CDH2: variants seen among roughly 807,000 people sequenced by gnomAD.
The protein encoded by CDH2 is cadherin 2.
In CDH2, 17 loss-of-function variants were observed where a neutral mutation model predicts 92.0. That is an observed-to-expected ratio of 0.18 (90% CI 0.13 to 0.28). The LOEUF (loss-of-function observed/expected upper bound fraction) is 0.28. Ranked by LOEUF, CDH2 falls within the 10% of genes least tolerant of loss-of-function variation. CDH2 has a pLI of 1.00. For missense variants in CDH2, 862 were observed against 1,133.1 expected (o/e 0.76, Z 3.44); for synonymous variants, 419 against 415.9 (o/e 1.01, Z -0.09).
intron 7 of CDH2, among the ~76,000 whole-genome samples, chr18:28,000,557 G>A (rs993521543): frequency 2.6e-5 from 4 of 152,052 alleles, no homozygotes; most frequent in Non-Finnish European, 5.9e-5. Context: ...TTCAAACCTG[G>A]GGGGAGCAGG....
chr18:28,034,917 T>A (rs2013788719), intron 2 of CDH2, among the ~76,000 whole-genome samples: 1 of 152,040 alleles, frequency 6.6e-6, no homozygotes, highest in Non-Finnish European at 1.5e-5. Flanking sequence ...ATGGGAAAAC[T>A]CTTTAGAGCA....
At chr18:28,172,278 C>A (rs1404055619) in intron 1 of CDH2, among the ~76,000 whole-genome samples, 1 of 152,088 alleles carries the variant, frequency 6.6e-6, no homozygotes, top group Admixed American at 6.5e-5. Context: ...AAATCTACAT[C>A]TTTCAAAAAG....
chr18:28,071,408 G>A (rs2014615484), intron 2 of CDH2, among the ~76,000 whole-genome samples: 2 of 152,010 alleles, frequency 1.3e-5, no homozygotes, highest in South Asian at 2.1e-4. Flanking sequence ...GCAGGAAAAG[G>A]GTAAGTGAAT....
At chr18:27,983,464 T>C (rs1315708778) in intron 13 of CDH2, among the ~76,000 whole-genome samples, 1 of 152,302 alleles carries the variant, frequency 6.6e-6, no homozygotes, top group East Asian at 1.9e-4. Context: ...AGCAGTAAGG[T>C]GTTACTTGCT....
At chr18:28,056,716 C>A (rs2014299994) in intron 2 of CDH2, among the ~76,000 whole-genome samples, 1 of 152,100 alleles carries the variant, frequency 6.6e-6, no homozygotes. Flanking sequence ...TAAATTAAGA[C>A]TTTTTGCCTT....
intron 6 of CDH2, among the ~76,000 whole-genome samples, chr18:27,944,839 A>G (rs1017248619): frequency 8.6e-5 from 13 of 151,782 alleles, no homozygotes; most frequent in Non-Finnish European, 2.9e-5. Context: ...CTTGAGCCCA[A>G]GAAGTTTGAG....
At chr18:28,046,626 GTCT>G (rs1285075146) in intron 2 of CDH2, among the ~76,000 whole-genome samples, 1 of 152,144 alleles carries the variant, frequency 6.6e-6, no homozygotes, top group Non-Finnish European at 1.5e-5. Context: ...TGTGTAACAA[GTCT>G]TCTATGAAAT....
At chr18:27,957,079 A>AT (rs1018404858) in intron 15 of CDH2, among the ~76,000 whole-genome samples, 3 of 151,678 alleles carry the variant, frequency 2.0e-5, no homozygotes, top group South Asian at 2.1e-4. Context: ...TTGTTTATTC[A>AT]TTTTTTTTAG....
chr18:28,002,584 A>T (rs2012800413), intron 7 of CDH2, among the ~76,000 whole-genome samples: 1 of 152,208 alleles, frequency 6.6e-6, no homozygotes, highest in African/African-American at 2.4e-5. Flanking sequence ...GCTACAAAAA[A>T]CCAAATCACA....
chr18:28,003,092 C>A lies in CDH2; in HGVS notation c.925G>T (p.Val309Leu), dbSNP rs146668864. 6 of 1,613,904 alleles carry A rather than the reference C, an allele frequency of 3.7e-6. 1 individual carries two copies. The South Asian group carries it at 5.5e-5, about 15-fold the overall frequency. ...ALNGMLRYRI[V>L]SQAPSTPSPN... is the part of the protein sequence containing the mutation. ...GAAGGGGTGCTTGGAGCCTGAGACA[C>A]GATTCTGTACCTCAACATCCCATTG... Residue 309 changes from valine to leucine, a missense_variant, in exon 7 of 16, where the codon GTG (valine) becomes TTG (leucine). Val to Leu is a conservative substitution (Grantham distance 32, BLOSUM62 1). Coordinates refer to ENST00000269141, the MANE Select transcript of CDH2 (RefSeq NM_001792.5).
At chr18:28,094,165 T>G (rs2015084579) in intron 2 of CDH2, among the ~76,000 whole-genome samples, 1 of 152,162 alleles carries the variant, frequency 6.6e-6, no homozygotes. Flanking sequence ...GTTTTGGAGT[T>G]CCTCAACTAT....
chr18:28,165,443 C>T (rs572059755), intron 1 of CDH2, among the ~76,000 whole-genome samples: 3 of 152,204 alleles, frequency 2.0e-5, no homozygotes, highest in Non-Finnish European at 4.4e-5. Flanking sequence ...CCTCTGGCCT[C>T]AGCCTCCCAA....
chr18:27,969,746 G>T (rs1354236199), intron 14 of CDH2, among the ~76,000 whole-genome samples: 1 of 152,220 alleles, frequency 6.6e-6, no homozygotes, highest in Non-Finnish European at 1.5e-5. Flanking sequence ...GCCGGGTGCG[G>T]CGGCTCACGC....
chr18:27,933,762 C>A (rs994669649), intron 6 of CDH2, among the ~76,000 whole-genome samples: 1 of 152,138 alleles, frequency 6.6e-6, no homozygotes, highest in African/African-American at 2.4e-5. Context: ...GCAAGCTTCA[C>A]GTATTTGGGA....
At chr18:28,112,587 A>G (rs2015430756) in intron 2 of CDH2, among the ~76,000 whole-genome samples, 1 of 152,246 alleles carries the variant, frequency 6.6e-6, no homozygotes, top group Admixed American at 6.5e-5. Context: ...AAACTACATT[A>G]TAGTTCTCAT....
At chr18:28,087,756 AAAAAC>A (rs759262758) in intron 2 of CDH2, among the ~76,000 whole-genome samples, 7 of 152,102 alleles carry the variant, frequency 4.6e-5, no homozygotes, top group South Asian at 2.1e-4. Context: ...CACTCAAAAG[AAAAAC>A]AAAACAAAAC....
At chr18:28,174,134 T>G (rs1372894718) in intron 1 of CDH2, among the ~76,000 whole-genome samples, 1 of 152,188 alleles carries the variant, frequency 6.6e-6, no homozygotes, top group Non-Finnish European at 1.5e-5. Flanking sequence ...CACAGAGTCC[T>G]TTGAATATTC....
chr18:27,992,589 TG>T, intron 9 of CDH2, 65 bp downstream of exon 9: 1 of 1,304,110 alleles, frequency 7.7e-7, no homozygotes. Flanking sequence ...AAACAATGAG[TG>T]GGGGACATAT....
At chr18:28,021,631 G>C (rs1158159064) in intron 2 of CDH2, among the ~76,000 whole-genome samples, 1 of 151,766 alleles carries the variant, frequency 6.6e-6, no homozygotes, top group Non-Finnish European at 1.5e-5. Context: ...TGCTCTGAAG[G>C]TAATACCTCA....
Sources: allele counts gnomAD v4.1 joint callset (sites outside exome capture counted in the v4.1 genomes callset), GRCh38; gene constraint gnomAD v4.1.1; transcripts MANE v1.5; gene names NCBI Gene and HGNC (gene_info 2026-07-23, HGNC 2026-07-21).